ADGRG6: variants seen among roughly 807,000 people sequenced by gnomAD.
ADGRG6 encodes the protein G-protein coupled receptor 126.
A neutral mutation model predicts 142.4 loss-of-function variants in ADGRG6; 84 were observed. That is an observed-to-expected ratio of 0.59 (90% CI 0.49 to 0.71). ADGRG6 has a LOEUF of 0.71. ADGRG6 is among the 30% of genes least tolerant of loss of function. The pLI is 0.00. For synonymous variants in ADGRG6, 521 were observed against 520.5 expected (o/e 1.00, Z -0.01); for missense variants, 1,367 against 1,466.6 (o/e 0.93, Z 1.11).
intron 2 of ADGRG6, among the ~76,000 whole-genome samples, chr6:142,335,122 T>G (rs1244925087): frequency 6.6e-6 from 1 of 152,186 alleles, no homozygotes; most frequent in Non-Finnish European, 1.5e-5. Context: ...GCAAATATTC[T>G]TGTTTATTAC....
intron 18 of ADGRG6, among the ~76,000 whole-genome samples, chr6:142,414,120 A>G (rs1157162309): frequency 6.6e-6 from 1 of 152,150 alleles, no homozygotes; most frequent in African/African-American, 2.4e-5. Context: ...TACATAAAGG[A>G]GGTACTTTTC....
chr6:142,340,101 G>A (rs1483813931), intron 2 of ADGRG6, among the ~76,000 whole-genome samples: 2 of 152,094 alleles, frequency 1.3e-5, no homozygotes, highest in Non-Finnish European at 2.9e-5. Flanking sequence ...TAGCTTATAT[G>A]CACAGTAGAA....
intron 6 of ADGRG6, among the ~76,000 whole-genome samples, chr6:142,388,499 T>C (rs189288219): frequency 4.7e-4 from 72 of 152,204 alleles, no homozygotes; most frequent in Non-Finnish European, 9.0e-4. Flanking sequence ...ATAAACCCAC[T>C]ATTAAGTTGA....
At chr6:142,431,142 G>A (rs894413652) in intron 22 of ADGRG6, among the ~76,000 whole-genome samples, 2 of 152,072 alleles carry the variant, frequency 1.3e-5, no homozygotes, top group Middle Eastern at 3.4e-3. Context: ...GTGAAAGATG[G>A]AAGTGAAATG....
chr6:142,329,887 G>A (rs1458852099), intron 2 of ADGRG6, among the ~76,000 whole-genome samples: 1 of 152,152 alleles, frequency 6.6e-6, no homozygotes, highest in African/African-American at 2.4e-5. Context: ...AAAAGGAGGA[G>A]GCTGGGAAGA....
chr6:142,385,019 C>T (rs527339551), intron 6 of ADGRG6, among the ~76,000 whole-genome samples: 108 of 151,934 alleles, frequency 7.1e-4, no homozygotes, highest in Middle Eastern at 6.8e-3. Flanking sequence ...TGGACTCTAG[C>T]CAGTAGATGG....
intron 2 of ADGRG6, among the ~76,000 whole-genome samples, chr6:142,366,959 A>G (rs571001345): frequency 1.3e-5 from 2 of 152,312 alleles, no homozygotes; most frequent in African/African-American, 2.4e-5. Context: ...TTTCGAAACT[A>G]TAAATAATCC....
rs1777653917 is a variant in ADGRG6, at chr6:142,309,460, C to T, written c.3-84C>T. ...AAAAAGGTTTATTTTCCAGTCCCTA[C>T]TGGAAACCTATAGTTTTTACTTTAT... On this transcript the variant is annotated intron_variant, in intron 1 of 24. Transcript: ENST00000367609. 4 of 912,446 alleles carry T rather than the reference C, an allele frequency of 4.4e-6. No individual in the cohort carries two copies. The South Asian group carries it at 5.3e-5, about 12-fold the overall frequency. 56.5% of individuals were successfully genotyped at this position (912,446 alleles called of 1,614,324 possible). A position where few individuals can be genotyped will look rare whatever the true frequency, so the allele number is the denominator to read the frequency against.
At chr6:142,346,611 A>T (rs1779913375) in intron 2 of ADGRG6, among the ~76,000 whole-genome samples, 1 of 152,162 alleles carries the variant, frequency 6.6e-6, no homozygotes, top group Non-Finnish European at 1.5e-5. Flanking sequence ...AATAGCAAAG[A>T]CTTGGAACCA....
chr6:142,314,971 A>AGTGTGT (rs58848776), intron 2 of ADGRG6, among the ~76,000 whole-genome samples: 2,226 of 145,056 alleles, frequency 0.015, 28 homozygotes, highest in African/African-American at 0.037. Context: ...CCAATCATGG[A>AGTGTGT]GTGTGTGTGT....
intron 4 of ADGRG6, among the ~76,000 whole-genome samples, chr6:142,380,343 G>A (rs953695852): frequency 6.6e-6 from 1 of 152,118 alleles, no homozygotes; most frequent in African/African-American, 2.4e-5. Flanking sequence ...AAGAGGAGGA[G>A]TCCATTCAGA....
chr6:142,435,353 A>G (rs1777434098), intron 22 of ADGRG6, among the ~76,000 whole-genome samples: 1 of 152,128 alleles, frequency 6.6e-6, no homozygotes, highest in Admixed American at 6.6e-5. Context: ...TAGATCCCCT[A>G]AAAAGCCCTC....
chr6:142,397,402 C>T (rs1382925217), intron 9 of ADGRG6, among the ~76,000 whole-genome samples: 1 of 151,982 alleles, frequency 6.6e-6, no homozygotes, highest in Non-Finnish European at 1.5e-5. Context: ...CAGAATTATA[C>T]AAGCAATAGC....
rs556029930 is a variant in ADGRG6, at chr6:142,407,870, A to C, written c.2269-280A>C. Among the ~76,000 whole-genome samples, 9 of 152,298 alleles carry C rather than the reference A, an allele frequency of 5.9e-5. No individual in the cohort carries two copies. The South Asian group carries it at 1.9e-3, about 32-fold the overall frequency. ...ATTATTTATGAGTCTGCATTGTTTCAGTTGTTAACTGGCTGACATCAGTCA... is the reference window on the plus strand; with the variant it reads ...ATTATTTATGAGTCTGCATTGTTTCCGTTGTTAACTGGCTGACATCAGTCA... On this transcript the variant is annotated intron_variant, in intron 15 of 24. Coordinates refer to ENST00000367609, the MANE Select transcript of ADGRG6 (RefSeq NM_198569.3).
intron 7 of ADGRG6, 101 bp downstream of exon 7, chr6:142,390,444 G>GAAATAT (rs1354869742): frequency 1.5e-5 from 9 of 602,374 alleles, no homozygotes; most frequent in Non-Finnish European, 2.4e-5. Context: ...CTGAAACACA[G>GAAATAT]ATGGTATTCA....
intron 5 of ADGRG6, among the ~76,000 whole-genome samples, 153 bp downstream of exon 5, chr6:142,382,172 G>T (rs1475538441): frequency 6.6e-6 from 1 of 152,160 alleles, no homozygotes; most frequent in Non-Finnish European, 1.5e-5. Flanking sequence ...TTTTAGTTGT[G>T]TGGGTGCACA....
At chr6:142,348,426 T>TA (rs1007033078) in intron 2 of ADGRG6, among the ~76,000 whole-genome samples, 13 of 151,652 alleles carry the variant, frequency 8.6e-5, no homozygotes, top group African/African-American at 1.5e-4. Flanking sequence ...TTTATATTGG[T>TA]AAAAAAAAGG....
At chr6:142,374,319 T>C (rs1480805799) in intron 4 of ADGRG6, among the ~76,000 whole-genome samples, 2 of 152,184 alleles carry the variant, frequency 1.3e-5, no homozygotes, top group Non-Finnish European at 2.9e-5. Context: ...ACATGGGTGG[T>C]GGTAGTAGCA....
chr6:142,302,363 C>G (rs775252234), intron 1 of ADGRG6, 32 bp downstream of exon 1: 30 of 1,610,902 alleles, frequency 1.9e-5, no homozygotes, highest in Non-Finnish European at 1.7e-5. Flanking sequence ...GGAATTCCTT[C>G]ACTCTTTTAT....
Sources: allele counts gnomAD v4.1 joint callset (sites outside exome capture counted in the v4.1 genomes callset), GRCh38; gene constraint gnomAD v4.1.1; transcripts MANE v1.5; gene names NCBI Gene and HGNC (gene_info 2026-07-23, HGNC 2026-07-21).